The following TVP23B variants were observed in gnomAD, a reference collection of about 807,000 sequenced individuals.
TVP23B encodes the protein Golgi apparatus membrane protein TVP23 homolog B.
Under a neutral mutation model 30.6 loss-of-function variants are expected in TVP23B, and 10 were observed. The ratio of observed to expected loss-of-function variants is 0.33; its 90% confidence interval spans 0.20 to 0.55. The LOEUF is 0.55. Among genes scored for constraint, TVP23B ranks in the 20% least tolerant of loss-of-function variants. The pLI is 0.91. For missense variants in TVP23B, 153 were observed against 243.2 expected (o/e 0.63, Z 2.47); for synonymous variants, 67 against 83.1 (o/e 0.81, Z 1.06).
chr17:18,791,093 T>G, intron 3 of TVP23B, 53 bp downstream of exon 3: 1 of 1,499,302 alleles, frequency 6.7e-7, no homozygotes, highest in Non-Finnish European at 8.9e-7. Context: ...AAATGATGTA[T>G]AAAAATATGA....
intron 3 of TVP23B, among the ~76,000 whole-genome samples, chr17:18,792,154 C>G (rs989073451): frequency 1.3e-5 from 2 of 151,826 alleles, no homozygotes; most frequent in Admixed American, 6.6e-5. Context: ...CTGCCTCAGA[C>G]TCCCGAGTAG....
At chr17:18,793,129 ATGAGGCC>A (rs1597618973) in intron 3 of TVP23B, among the ~76,000 whole-genome samples, 3 of 152,326 alleles carry the variant, frequency 2.0e-5, no homozygotes, top group Non-Finnish European at 4.4e-5. Flanking sequence ...CCTGGGCAGC[ATGAGGCC>A]TGTGGGCAGA....
At chr17:18,789,231 T>C in intron 1 of TVP23B, 122 bp from the exon 2 acceptor site, 1 of 1,420,078 alleles carries the variant, frequency 7.0e-7, no homozygotes, top group Non-Finnish European at 9.5e-7. Flanking sequence ...AGGTTTTGAA[T>C]TCCTGATGCT....
At chr17:18,798,193 C>A (rs1270339590) in intron 4 of TVP23B, among the ~76,000 whole-genome samples, 10 of 152,158 alleles carry the variant, frequency 6.6e-5, no homozygotes, top group Admixed American at 6.5e-4. Context: ...TATTCACTTT[C>A]CTTGTGGAAA....
At chr17:18,802,108 G>A (rs1463809000) in intron 5 of TVP23B, among the ~76,000 whole-genome samples, 2 of 152,132 alleles carry the variant, frequency 1.3e-5, no homozygotes, top group African/African-American at 4.8e-5. Context: ...TGTAGTCCCA[G>A]TTACTCGGGA....
At chr17:18,792,313 G>A (rs898479340) in intron 3 of TVP23B, among the ~76,000 whole-genome samples, 2 of 152,160 alleles carry the variant, frequency 1.3e-5, no homozygotes, top group Non-Finnish European at 2.9e-5. Flanking sequence ...TGGGATTACA[G>A]GCGTGAGCCA....
rs914511034 is a variant in TVP23B at position 18,805,045 on chromosome 17, A to T, written c.592-496A>T. 3.7e-4 allele frequency among the ~76,000 whole-genome samples: 47 copies of T among 125,654 alleles called. No homozygotes were observed. In the South Asian group the frequency reaches 5.2e-3, roughly 14 times the overall value. 82.4% of individuals were successfully genotyped at this position (125,654 alleles called of 152,430 possible). ...GAGTAGTAGTCATAGGTAAATAATT[A>T]TTGGTTAAATTTCTTGGGAAAAGTG... On this transcript the variant is annotated intron_variant, in intron 6 of 6. Coordinates refer to ENST00000307767, the MANE Select transcript of TVP23B (RefSeq NM_016078.6).
chr17:18,788,696 C>T (rs1425837553), intron 1 of TVP23B, among the ~76,000 whole-genome samples: 1 of 152,080 alleles, frequency 6.6e-6, no homozygotes, highest in Non-Finnish European at 1.5e-5. Context: ...GCAGGAGAAT[C>T]GTTTGAACCC....
At chr17:18,800,569 CT>C (rs1169960276) in intron 5 of TVP23B, among the ~76,000 whole-genome samples, 1 of 151,660 alleles carries the variant, frequency 6.6e-6, no homozygotes, top group East Asian at 1.9e-4. Flanking sequence ...TTTTCTTTCA[CT>C]GAATATCTTG....
chr17:18,793,595 CA>C (rs71155356), intron 3 of TVP23B, among the ~76,000 whole-genome samples: 5,312 of 86,764 alleles, frequency 0.061, 177 homozygotes, highest in African/African-American at 0.15. Flanking sequence ...GACTCCATCT[CA>C]AAAAAAAAAA....
At chr17:18,783,537 C>T (rs1433336792) in intron 1 of TVP23B, among the ~76,000 whole-genome samples, 3 of 152,212 alleles carry the variant, frequency 2.0e-5, no homozygotes, top group Admixed American at 6.5e-5. Context: ...AAATCTTCAA[C>T]GTTTCTTCTC....
At chr17:18,784,575 C>T (rs1407646728) in intron 1 of TVP23B, among the ~76,000 whole-genome samples, 10 of 152,106 alleles carry the variant, frequency 6.6e-5, no homozygotes, top group African/African-American at 1.2e-4. Context: ...CGCTTGAACC[C>T]GGGAGGTGGA....
chr17:18,786,515 G>A (rs1469438322), intron 1 of TVP23B, among the ~76,000 whole-genome samples: 1 of 151,972 alleles, frequency 6.6e-6, no homozygotes, highest in Non-Finnish European at 1.5e-5. Flanking sequence ...AGACTGTTGG[G>A]ATCGAGAGCA....
At chr17:18,783,100 G>T (rs200347058) in intron 1 of TVP23B, among the ~76,000 whole-genome samples, 42,337 of 72,614 alleles carry the variant, frequency 0.58, 14,741 homozygotes, top group East Asian at 0.8. Flanking sequence ...TTGATTGATT[G>T]ATTGATTCAT....
chr17:18,785,102 C>G (rs1483891705), intron 1 of TVP23B, among the ~76,000 whole-genome samples: 3 of 152,160 alleles, frequency 2.0e-5, no homozygotes, highest in Non-Finnish European at 4.4e-5. Flanking sequence ...AACCAGTCTC[C>G]TAGCGTTGTG....
intron 3 of TVP23B, 191 bp from the exon 4 acceptor site, chr17:18,797,388 T>A (rs2036092169): frequency 1.0e-6 from 1 of 994,370 alleles, no homozygotes. Context: ...CCTCTACCCC[T>A]ATTAGTCCTG....
At chr17:18,794,674 G>A in intron 3 of TVP23B, among the ~76,000 whole-genome samples, 1 of 151,962 alleles carries the variant, frequency 6.6e-6, no homozygotes, top group Non-Finnish European at 1.5e-5. Flanking sequence ...GAAATAAAGA[G>A]TTAGAAAATG....
chr17:18,788,672 C>G (rs2035947698), intron 1 of TVP23B, among the ~76,000 whole-genome samples: 1 of 151,784 alleles, frequency 6.6e-6, no homozygotes, highest in Non-Finnish European at 1.5e-5. Context: ...ATCCCAACAA[C>G]TTGGAAGGCT....
rs200133197 is a variant in TVP23B at position 18,804,135 on chromosome 17, C to A, written c.463-3C>A. On this transcript the variant is annotated splice_polypyrimidine_tract_variant and splice_region_variant and intron_variant, in intron 5 of 6. Coordinates refer to ENST00000307767, the MANE Select transcript of TVP23B (RefSeq NM_016078.6). ...CCATTGATTATTTTTTCCCTTGTCC[C>A]AGGCGGTGGTTATCATGGGTGTGGT... 6.2e-6 allele frequency: 10 copies of A among 1,613,682 alleles called. No individual in the cohort carries two copies. In the African/African-American group the frequency reaches 1.3e-4, roughly 22 times the overall value.
Sources: gnomAD v4.1 joint callset for allele counts (sites outside exome capture counted in the v4.1 genomes callset) on GRCh38, gnomAD v4.1.1 for gene constraint, MANE v1.5 for transcripts, NCBI Gene and HGNC (gene_info 2026-07-23, HGNC 2026-07-21) for gene names.